KIAA2012: variants seen among roughly 807,000 people sequenced by gnomAD.
KIAA2012 encodes the protein uncharacterized protein KIAA2012.
Under a neutral mutation model 150.6 loss-of-function variants are expected in KIAA2012, and 125 were observed. That is an observed-to-expected ratio of 0.83 (90% CI 0.72 to 0.96). The LOEUF (loss-of-function observed/expected upper bound fraction) is 0.96. Among genes scored for constraint, KIAA2012 ranks in the 40% least tolerant of loss-of-function variants. KIAA2012 has a pLI of 0.00. For missense variants in KIAA2012, 1,219 were observed against 1,354.9 expected (o/e 0.90, Z 1.57); for synonymous variants, 462 against 504.7 (o/e 0.92, Z 1.13).
chr2:202,152,920 T>C (rs534333463), intron 13 of KIAA2012, among the ~76,000 whole-genome samples: 2 of 152,172 alleles, frequency 1.3e-5, no homozygotes, highest in South Asian at 2.1e-4. Context: ...TCCTAGAAAA[T>C]ATGGAAATTA....
intron 10 of KIAA2012, among the ~76,000 whole-genome samples, chr2:202,111,162 C>T (rs1690338748): frequency 6.6e-6 from 1 of 151,940 alleles, no homozygotes; most frequent in South Asian, 2.1e-4. Context: ...GATACTCAGG[C>T]CTACTTTAGA....
chr2:202,143,434 C>T lies in KIAA2012; in HGVS notation c.1908+4926C>T, dbSNP rs565254394. ...AATCAAAATAAGTCAACTATGACTG[C>T]AACTATGTAAAAAAAAAAAATGTAT... is the stretch of plus-strand genomic sequence containing the variant. On this transcript the variant is annotated intron_variant, in intron 13 of 23. Transcript: ENST00000498697. Among the ~76,000 whole-genome samples, 6 of 134,028 alleles carry T rather than the reference C, an allele frequency of 4.5e-5. No homozygotes were observed. In the South Asian group the frequency reaches 1.4e-3, roughly 32 times the overall value. The allele number at this position is 134,028 out of a possible 152,430, so 87.9% of individuals were successfully genotyped here. A position where few individuals can be genotyped will look rare whatever the true frequency, so the allele number is the denominator to read the frequency against.
intron 22 of KIAA2012, among the ~76,000 whole-genome samples, chr2:202,199,912 C>G (rs1692482513): frequency 6.7e-6 from 1 of 148,922 alleles, no homozygotes; most frequent in Non-Finnish European, 1.5e-5. Flanking sequence ...TCCTCCTTGC[C>G]CCTCATAATT....
At position 202,106,513 on chromosome 2, in the gene KIAA2012, C is replaced by T. The variant is rs1349215656; in HGVS notation, c.1474+603C>T. On this transcript the variant is annotated intron_variant, in intron 9 of 23. Transcript: ENST00000498697. Reference sequence around the variant, plus strand: ...CAGCCTGGCCAACATGGTGAAACCCCGTCTCTACTAAAAATACAAAAAAAT... The same window carrying T: ...CAGCCTGGCCAACATGGTGAAACCCTGTCTCTACTAAAAATACAAAAAAAT... Among the ~76,000 whole-genome samples the T allele has an allele frequency of 3.9e-5, 6 of 151,932 alleles. No individual in the cohort carries two copies. The East Asian group carries it at 7.8e-4, about 20-fold the overall frequency.
chr2:202,074,072 G>C (rs185880194), intron 1 of KIAA2012, among the ~76,000 whole-genome samples: 1 of 152,046 alleles, frequency 6.6e-6, no homozygotes, highest in Non-Finnish European at 1.5e-5. Flanking sequence ...TTGAAATGCT[G>C]TGTGTGTTCA....
chr2:202,077,983 G>A (rs1225127529), intron 2 of KIAA2012, among the ~76,000 whole-genome samples: 2 of 152,204 alleles, frequency 1.3e-5, no homozygotes, highest in East Asian at 1.9e-4. Context: ...TCACATGTTA[G>A]GAGCACAAAT....
At chr2:202,170,286 G>A (rs998365046) in intron 15 of KIAA2012, among the ~76,000 whole-genome samples, 18 of 152,180 alleles carry the variant, frequency 1.2e-4, no homozygotes, top group African/African-American at 4.3e-4. Flanking sequence ...GCCTCTGGAG[G>A]CTTCCACTTC....
In KIAA2012 at chr2:202,187,091, T is replaced by G. The variant is rs1032277978; in HGVS notation, c.2369T>G (p.Ile790Ser). The G allele has an allele frequency of 3.9e-6, 6 of 1,550,366 alleles. No homozygotes were observed. The African/African-American group carries it at 6.8e-5, about 18-fold the overall frequency. The change falls in exon 17 of 24, where the codon ATC (isoleucine) becomes AGC (serine). Residue 790 changes from isoleucine (I) to serine (S), a missense_variant. Physicochemically the swap from Ile to Ser is moderately radical, Grantham distance 142. Transcript: ENST00000498697. ...TTTAGCCAGGAGACATCAGCCAACA[T>G]CAGTCATGTGAGTGTAAACCCCTAA... ...RLFSQETSANISHERDLINEA... is the reference protein window; with the variant it reads ...RLFSQETSANSSHERDLINEA...
chr2:202,146,565 G>T (rs996554521), intron 13 of KIAA2012, among the ~76,000 whole-genome samples: 2 of 150,994 alleles, frequency 1.3e-5, no homozygotes, highest in Admixed American at 6.6e-5. Context: ...CCGGGAGGTG[G>T]AGGTTGCAGT....
intron 19 of KIAA2012, among the ~76,000 whole-genome samples, chr2:202,191,411 G>A (rs1328358036): frequency 2.0e-5 from 3 of 151,886 alleles, no homozygotes; most frequent in Non-Finnish European, 2.9e-5. Flanking sequence ...CGGATGCAGT[G>A]GCGCATGCCT....
intron 4 of KIAA2012, among the ~76,000 whole-genome samples, chr2:202,095,923 A>C (rs1487141074): frequency 6.6e-6 from 1 of 152,152 alleles, no homozygotes; most frequent in Non-Finnish European, 1.5e-5. Flanking sequence ...GTCTCTACTA[A>C]AGATACAAAA....
rs553978732 is a variant in KIAA2012 at position 202,193,488 on chromosome 2, G to A, written c.2999G>A (p.Arg1000His). ...GAGCTGGAGCTGGAGCAGCAGAGAC[G>A]TACAGAAGAGATCCGGTAGGTTGGG... The part of the protein sequence containing the change: ...EEELELEQQR[R>H]TEEIRLRKQR... Residue 1000 changes from arginine (R) to histidine (H), a missense_variant, in exon 20 of 24, where the codon CGT becomes CAT. Arg to His is a conservative substitution (Grantham distance 29). Transcript: ENST00000498697. The A allele has an allele frequency of 9.0e-5, 139 of 1,550,072 alleles. 1 individual carries two copies. In the Middle Eastern group the frequency reaches 1.7e-3, roughly 19 times the overall value.
intron 15 of KIAA2012, chr2:202,180,009 T>G (rs911062961): frequency 1.9e-6 from 1 of 529,244 alleles, no homozygotes; most frequent in Non-Finnish European, 3.6e-6. Flanking sequence ...CGGTGGCTCA[T>G]GCCTGTAATC....
chr2:202,099,794 G>C lies in KIAA2012; in HGVS notation c.1010G>C (p.Ser337Thr), dbSNP rs10197514. 0.15 allele frequency: 226,857 copies of C among 1,548,240 alleles called. 17,377 individuals carry two copies. The highest frequency in any genetic ancestry group is 0.17 in the East Asian group (6,952 of 40,872). ...GAFPNRKADL[S>T]DKQRNVKLHK... ...TTCCCTAATAGGAAGGCAGATCTCA[G>C]CGGTAAGAACTCAAATGTCTTGCTC... is the stretch of plus-strand genomic sequence containing the variant. The change falls in exon 6 of 24, where the codon AGC becomes ACC. Residue 337 changes from serine (S) to threonine (T), a missense_variant and splice_region_variant. Ser to Thr is a moderately conservative substitution (Grantham distance 58, BLOSUM62 1). Coordinates refer to ENST00000498697, the MANE Select transcript of KIAA2012 (RefSeq NM_001277372.4).
chr2:202,190,408 A>G lies in KIAA2012; in HGVS notation c.2726A>G (p.Asp909Gly), dbSNP rs1692304192. 6.4e-7 allele frequency: 1 copy of G among 1,550,638 alleles called. No homozygotes were observed. Among genetic ancestry groups the G allele is most frequent in the Non-Finnish European group, 8.7e-7 (1 of 1,146,914 alleles). The change falls in exon 19 of 24, where the codon GAT becomes GGT. Residue 909 changes from aspartate (D) to glycine (G), a missense_variant. Physicochemically the swap from Asp to Gly is moderately conservative, Grantham distance 94. Transcript: ENST00000498697. ...GCCCAGGAAAGCCAAGTTTCTCTAGATGGAAGATCATCACCCTCTCAGATT... is the reference window on the plus strand; with the variant it reads ...GCCCAGGAAAGCCAAGTTTCTCTAGGTGGAAGATCATCACCCTCTCAGATT... The part of the protein sequence containing the change: ...YDAQESQVSL[D>G]GRSSPSQIAT...
At chr2:202,180,064 G>A (rs1692086986) in intron 15 of KIAA2012, 1 of 398,512 alleles carries the variant, frequency 2.5e-6, no homozygotes, top group Non-Finnish European at 4.9e-6. Flanking sequence ...CTGAGGTCGG[G>A]AGTTCAAGAC....
intron 22 of KIAA2012, among the ~76,000 whole-genome samples, chr2:202,201,059 T>C (rs1692513555): frequency 1.3e-5 from 2 of 152,062 alleles, no homozygotes; most frequent in Admixed American, 6.5e-5. Context: ...CAAACCTAAT[T>C]TGATGTTTTA....
chr2:202,176,222 C>T (rs560578941), intron 15 of KIAA2012, among the ~76,000 whole-genome samples: 153 of 148,012 alleles, frequency 1.0e-3, no homozygotes, highest in African/African-American at 3.2e-3. Context: ...TTTTTTGGGA[C>T]GGAGTCTCGC....
At chr2:202,160,609 G>A (rs753025871) in intron 14 of KIAA2012, among the ~76,000 whole-genome samples, 14 of 152,110 alleles carry the variant, frequency 9.2e-5, no homozygotes, top group South Asian at 2.1e-4. Context: ...CACCACGCCC[G>A]GCCAAAATCA....
Sources: allele counts gnomAD v4.1 joint callset (sites outside exome capture counted in the v4.1 genomes callset), GRCh38; gene constraint gnomAD v4.1.1; transcripts MANE v1.5; gene names NCBI Gene and HGNC (gene_info 2026-07-23, HGNC 2026-07-21).